Variants in SASH1 observed in about 807,000 individuals in gnomAD.
SASH1 encodes the protein SAM and SH3 domain-containing protein 1.
Under a neutral mutation model 125.2 loss-of-function variants are expected in SASH1, and 44 were observed. The ratio of observed to expected loss-of-function variants is 0.35; its 90% confidence interval spans 0.28 to 0.45. The LOEUF is 0.45. Ranked by LOEUF, SASH1 falls within the 20% of genes least tolerant of loss-of-function variation. The probability of loss-of-function intolerance (pLI) is 1.00; values close to 1 mark genes in which losing one functional copy is unlikely to be tolerated. For synonymous variants in SASH1, 639 were observed against 649.1 expected (o/e 0.98, Z 0.24); for missense variants, 1,426 against 1,614.5 (o/e 0.88, Z 2.00).
At chr6:148,361,600 CAA>C (rs35772475) in intron 1 of SASH1, among the ~76,000 whole-genome samples, 16 of 148,312 alleles carry the variant, frequency 1.1e-4, no homozygotes, top group Non-Finnish European at 1.3e-4. Flanking sequence ...AACTCTGTCT[CAA>C]AAAAAAAAAG....
At chr6:148,220,728 A>G in the SASH1 span, among the ~76,000 whole-genome samples, 1 of 152,180 alleles carries the variant, frequency 6.6e-6, no homozygotes, top group Non-Finnish European at 1.5e-5. Context: ...CAGCCTGGCC[A>G]ACATGGTGAA....
chr6:148,216,738 CT>C, the SASH1 span, among the ~76,000 whole-genome samples: 189 of 148,458 alleles, frequency 1.3e-3, no homozygotes, highest in Admixed American at 2.4e-3. Flanking sequence ...TTTTCTTTTT[CT>C]TTTTTTTTTG....
At chr6:148,496,856 G>A (rs921247528) in intron 8 of SASH1, among the ~76,000 whole-genome samples, 2 of 151,160 alleles carry the variant, frequency 1.3e-5, no homozygotes, top group Non-Finnish European at 2.9e-5. Flanking sequence ...CTAGGTGACA[G>A]AGCGAGACCC....
At chr6:148,515,405 TC>T (rs1486023289) in intron 9 of SASH1, among the ~76,000 whole-genome samples, 1 of 152,220 alleles carries the variant, frequency 6.6e-6, no homozygotes, top group Non-Finnish European at 1.5e-5. Context: ...GAAATGAATT[TC>T]CCCTTATTTG....
At chr6:148,488,848 G>A (rs1778983636) in intron 8 of SASH1, among the ~76,000 whole-genome samples, 1 of 152,040 alleles carries the variant, frequency 6.6e-6, no homozygotes, top group South Asian at 2.1e-4. Flanking sequence ...AGCTTGCAGG[G>A]GTTCTTTCTA....
chr6:148,524,108 TA>T, intron 10 of SASH1, among the ~76,000 whole-genome samples: 1 of 93,818 alleles, frequency 1.1e-5, no homozygotes, highest in Admixed American at 9.8e-5. Flanking sequence ...TATATATATA[TA>T]TATATATATA....
intron 1 of SASH1, among the ~76,000 whole-genome samples, chr6:148,361,411 T>C (rs1336484309): frequency 6.6e-6 from 1 of 152,138 alleles, no homozygotes; most frequent in African/African-American, 2.4e-5. Context: ...CAGCCCAGCC[T>C]GACCAGCATG....
In SASH1 at chr6:148,298,355, T is replaced by C. The variant is rs888042372; in HGVS notation, n.74+25978T>C. On this transcript the variant is annotated intron_variant and non_coding_transcript_variant, in intron 1 of 3. Coordinates refer to the SASH1 transcript ENST00000367469. ...GTGGCAATTTCTCACTTTAATTAGG[T>C]GCAGTAGCTCACACCTGTAATCCCA... Among the ~76,000 whole-genome samples the C allele has an allele frequency of 2.5e-4, 38 of 151,954 alleles. 1 individual carries two copies. The highest frequency in any genetic ancestry group is 2.5e-3 in the Admixed American group (38 of 15,236).
chr6:148,436,461 C>T (rs1458013100), intron 2 of SASH1, among the ~76,000 whole-genome samples: 1 of 151,438 alleles, frequency 6.6e-6, no homozygotes, highest in African/African-American at 2.4e-5. Flanking sequence ...GCCATGATCT[C>T]GCCACTGAAT....
At chr6:148,220,574 T>C in the SASH1 span, among the ~76,000 whole-genome samples, 1 of 152,074 alleles carries the variant, frequency 6.6e-6, no homozygotes, top group African/African-American at 2.4e-5. Flanking sequence ...ATAGCAATGA[T>C]TGGATGGGGA....
At chr6:148,500,662 T>C (rs756498607) in intron 8 of SASH1, among the ~76,000 whole-genome samples, 5 of 152,214 alleles carry the variant, frequency 3.3e-5, no homozygotes, top group African/African-American at 4.8e-5. Context: ...TTGTGGGCCT[T>C]TTCCAGTGGG....
intron 4 of SASH1, among the ~76,000 whole-genome samples, chr6:148,442,285 T>C (rs1047404077): frequency 6.7e-6 from 1 of 148,842 alleles, no homozygotes; most frequent in African/African-American, 2.5e-5. Context: ...TGCCCACCTG[T>C]AGTCCCAGCT....
intron 15 of SASH1, among the ~76,000 whole-genome samples, chr6:148,534,433 G>A (rs185224989): frequency 3.3e-5 from 5 of 152,312 alleles, no homozygotes; most frequent in African/African-American, 1.2e-4. Context: ...AAGTGGAGGA[G>A]GAGTCTCCTC....
intron 19 of SASH1, among the ~76,000 whole-genome samples, chr6:148,547,615 A>C (rs756960064): frequency 6.6e-6 from 1 of 152,178 alleles, no homozygotes; most frequent in Non-Finnish European, 1.5e-5. Context: ...CTTGTTAATA[A>C]ATCTTTGTAG....
the SASH1 span, among the ~76,000 whole-genome samples, chr6:148,218,843 C>T: frequency 6.6e-6 from 1 of 152,180 alleles, no homozygotes; most frequent in Non-Finnish European, 1.5e-5. Flanking sequence ...GCTAGTGTGC[C>T]TGCCTCAGAA....
chr6:148,263,678 T>A, the SASH1 span, among the ~76,000 whole-genome samples: 1 of 150,520 alleles, frequency 6.6e-6, no homozygotes, highest in African/African-American at 2.5e-5. Flanking sequence ...AACTCAACCA[T>A]GGAAATATGC....
chr6:148,550,646 G>A lies in SASH1; in HGVS notation c.*2088G>A, dbSNP rs1348305598. The A allele has an allele frequency of 3.3e-5, 5 of 152,180 alleles. No homozygotes were observed. Among genetic ancestry groups the A allele is most frequent in the Admixed American group, 1.3e-4 (2 of 15,284 alleles). The allele number at this position is 152,180 out of a possible 1,614,324, so 9.4% of individuals were successfully genotyped here. On this transcript the variant is annotated 3_prime_UTR_variant, in exon 20 of 20. Coordinates refer to ENST00000367467, the MANE Select transcript of SASH1 (RefSeq NM_015278.5). ...ACAGCTCATGTTTGTTTGTCCTCTC[G>A]GGTTGTGGCCTAGCCTATTTGCAAT...
the SASH1 span, among the ~76,000 whole-genome samples, chr6:148,193,494 T>A: frequency 5.3e-5 from 8 of 152,316 alleles, no homozygotes; most frequent in South Asian, 1.7e-3. Context: ...GTGGCTTGGC[T>A]AAAATGTTTG....
chr6:148,512,029 A>ATTTATTTT (rs1554267078), intron 8 of SASH1, among the ~76,000 whole-genome samples: 21 of 145,542 alleles, frequency 1.4e-4, no homozygotes, highest in East Asian at 6.0e-4. Flanking sequence ...TTATTTATTT[A>ATTTATTTT]TTTTTTTGAG....
Sources: gnomAD v4.1 joint callset for allele counts (sites outside exome capture counted in the v4.1 genomes callset) on GRCh38, gnomAD v4.1.1 for gene constraint, MANE v1.5 for transcripts, NCBI Gene and HGNC (gene_info 2026-07-23, HGNC 2026-07-21) for gene names.